BCKDHB: variants seen among roughly 807,000 people sequenced by gnomAD.
BCKDHB encodes the protein branched chain keto acid dehydrogenase E1 subunit beta, also known as 2-oxoisovalerate dehydrogenase subunit beta, mitochondrial.
Under a neutral mutation model 48.5 loss-of-function variants are expected in BCKDHB, and 41 were observed. The ratio of observed to expected loss-of-function variants is 0.85; its 90% CI spans 0.66 to 1.10. The LOEUF (loss-of-function observed/expected upper bound fraction) is 1.10. Among genes scored for constraint, BCKDHB ranks in the 50% least tolerant of loss-of-function variants. The pLI is 0.00. For synonymous variants in BCKDHB, 201 were observed against 174.8 expected (o/e 1.15, Z -1.18); for missense variants, 496 against 494.2 (o/e 1.00, Z -0.03).
intron 7 of BCKDHB, among the ~76,000 whole-genome samples, chr6:80,201,750 C>T (rs79839702): frequency 0.019 from 2,821 of 152,184 alleles, 90 homozygotes; most frequent in African/African-American, 0.064. Context: ...TACCTCCCAA[C>T]TTTTTCTCTG....
chr6:80,142,133 C>G (rs1394547032), intron 3 of BCKDHB, among the ~76,000 whole-genome samples: 9 of 151,262 alleles, frequency 5.9e-5, no homozygotes, highest in African/African-American at 2.2e-4. Context: ...TTTTGGATTA[C>G]AAGCCTGTTC....
At chr6:80,402,729 G>A in the BCKDHB span, among the ~76,000 whole-genome samples, 6 of 151,754 alleles carry the variant, frequency 4.0e-5, no homozygotes, top group Non-Finnish European at 7.4e-5. Flanking sequence ...AGAAGTTTAT[G>A]ATTTTATGTC....
chr6:80,417,696 A>G, the BCKDHB span, among the ~76,000 whole-genome samples: 2 of 152,204 alleles, frequency 1.3e-5, no homozygotes, highest in East Asian at 3.8e-4. Context: ...TTCTGCTGAG[A>G]GGTCTGCTGT....
At chr6:80,237,610 G>A (rs1776199061) in intron 8 of BCKDHB, among the ~76,000 whole-genome samples, 1 of 152,164 alleles carries the variant, frequency 6.6e-6, no homozygotes, top group Non-Finnish European at 1.5e-5. Flanking sequence ...AACTTCTGGA[G>A]TGAGAACTAT....
chr6:80,433,325 C>G, the BCKDHB span, among the ~76,000 whole-genome samples: 2 of 152,212 alleles, frequency 1.3e-5, no homozygotes, highest in African/African-American at 4.8e-5. Context: ...AAGTCCCCAA[C>G]TGGGGCTGCT....
At chr6:80,152,014 G>T (rs1205124226) in intron 3 of BCKDHB, among the ~76,000 whole-genome samples, 1 of 152,100 alleles carries the variant, frequency 6.6e-6, no homozygotes, top group African/African-American at 2.4e-5. Flanking sequence ...AGATTAAAAA[G>T]AAAAATTTCA....
chr6:80,366,739 C>T, the BCKDHB span, among the ~76,000 whole-genome samples: 3 of 152,302 alleles, frequency 2.0e-5, no homozygotes, highest in African/African-American at 7.2e-5. Context: ...TGTAATTTAT[C>T]CTTGCTGCAT....
At chr6:80,208,167 G>A (rs1774756012) in intron 8 of BCKDHB, among the ~76,000 whole-genome samples, 2 of 151,732 alleles carry the variant, frequency 1.3e-5, no homozygotes, top group Admixed American at 6.6e-5. Flanking sequence ...TAGAAATCAA[G>A]TGAAAGAAAA....
chr6:80,244,679 C>T lies in BCKDHB; in HGVS notation c.952-28456C>T, dbSNP rs572839112. Among the ~76,000 whole-genome samples the T allele has an allele frequency of 1.2e-4, 19 of 152,064 alleles. 1 individual carries two copies. The South Asian group carries it at 1.9e-3, about 15-fold the overall frequency. ...CTCATGGAAGAAATTAGTTTCTTTT[C>T]GAGCAAAATGGTAGCCTTGTGGAAG... is the stretch of plus-strand genomic sequence containing the variant. On this transcript the variant is annotated intron_variant, in intron 8 of 9. Coordinates refer to ENST00000320393, the MANE Select transcript of BCKDHB (RefSeq NM_183050.4).
chr6:80,278,552 C>T (rs1262840245), intron 9 of BCKDHB, among the ~76,000 whole-genome samples: 2 of 152,162 alleles, frequency 1.3e-5, no homozygotes, highest in Non-Finnish European at 2.9e-5. Context: ...GTTTCCACCT[C>T]CAACCCTTTC....
intron 9 of BCKDHB, among the ~76,000 whole-genome samples, chr6:80,275,556 T>G (rs1446357791): frequency 1.3e-5 from 2 of 152,062 alleles, no homozygotes; most frequent in Admixed American, 6.6e-5. Context: ...TTTGCACAAA[T>G]AGAAAGTATA....
At chr6:80,348,877 A>T (rs57118477), downstream of BCKDHB, among the ~76,000 whole-genome samples, 706 of 152,354 alleles carry the variant, frequency 4.6e-3, 4 homozygotes, top group African/African-American at 0.016. Flanking sequence ...TTAAAGATTT[A>T]GAAACCCTGG....
At chr6:80,272,182 T>C (rs1047918282) in intron 8 of BCKDHB, among the ~76,000 whole-genome samples, 23 of 152,338 alleles carry the variant, frequency 1.5e-4, no homozygotes, top group Admixed American at 1.4e-3. Flanking sequence ...GAGTTTAACA[T>C]ATGCTAGCTG....
the BCKDHB span, among the ~76,000 whole-genome samples, chr6:80,384,935 A>G: frequency 5.0e-3 from 759 of 152,278 alleles, 4 homozygotes; most frequent in African/African-American, 0.017. Flanking sequence ...TCTTAGGACT[A>G]TACGTCTAAT....
chr6:80,355,458 C>T, the BCKDHB span: 1 of 148,530 alleles, frequency 6.7e-6, no homozygotes, highest in Non-Finnish European at 1.5e-5. Context: ...CATATTTACA[C>T]TCCTTCTATT....
intron 8 of BCKDHB, among the ~76,000 whole-genome samples, chr6:80,220,636 C>T (rs1395299865): frequency 1.3e-5 from 2 of 151,558 alleles, no homozygotes; most frequent in African/African-American, 4.8e-5. Context: ...AAATGGGATA[C>T]TCTTGATTCT....
At chr6:80,217,011 G>A (rs1414525865) in intron 8 of BCKDHB, among the ~76,000 whole-genome samples, 1 of 152,096 alleles carries the variant, frequency 6.6e-6, no homozygotes, top group Non-Finnish European at 1.5e-5. Context: ...CTGAGCCTGA[G>A]GCGGGTGGAT....
At chr6:80,392,362 A>ATT in the BCKDHB span, among the ~76,000 whole-genome samples, 62 of 146,080 alleles carry the variant, frequency 4.2e-4, no homozygotes, top group African/African-American at 1.5e-3. Flanking sequence ...TTAGGGCTGT[A>ATT]TTTTTTTTTT....
At chr6:80,222,255 T>A (rs1775491489) in intron 8 of BCKDHB, among the ~76,000 whole-genome samples, 1 of 152,176 alleles carries the variant, frequency 6.6e-6, no homozygotes, top group South Asian at 2.1e-4. Flanking sequence ...CACTTAAAAG[T>A]TTACCTAATT....
Sources: allele counts gnomAD v4.1 joint callset (sites outside exome capture counted in the v4.1 genomes callset), GRCh38; gene constraint gnomAD v4.1.1; transcripts MANE v1.5; gene names NCBI Gene and HGNC (gene_info 2026-07-23, HGNC 2026-07-21).